GPR83: variants seen among roughly 807,000 people sequenced by gnomAD.
The protein encoded by GPR83 is G-protein coupled receptor 72.
GPR83 carries 23 observed loss-of-function variants against 28.0 expected under a neutral mutation model. The observed-to-expected ratio is 0.82, with a 90% confidence interval of 0.59 to 1.16. GPR83 has a LOEUF of 1.16. GPR83 is among the 50% of genes most tolerant of loss of function. The pLI, the probability that GPR83 is intolerant of heterozygous loss-of-function variation, is 0.00. For synonymous variants in GPR83, 234 were observed against 215.4 expected, an observed-to-expected ratio of 1.09 and a Z score of -0.76; for missense variants, 610 against 536.6, an observed-to-expected ratio of 1.14 and a Z score of -1.35.
chr11:94,380,195 C>A lies in GPR83; in HGVS notation c.1226G>T (p.Gly409Val), dbSNP rs768927714. 2 of 1,520,150 alleles carry A rather than the reference C, an allele frequency of 1.3e-6. No individual in the cohort carries two copies. Among genetic ancestry groups the A allele is most frequent in the Non-Finnish European group, 1.8e-6 (2 of 1,136,124 alleles). The allele number at this position is 1,520,150 out of a possible 1,614,324, so 94.2% of individuals were successfully genotyped here. A position where few individuals can be genotyped will look rare whatever the true frequency, so the allele number is the denominator to read the frequency against. The part of the protein sequence containing the change: ...NLLPTSQLQS[G>V]KTDLSSVEPI... Reference sequence around the variant, plus strand: ...TTCCACAGATGACAGGTCTGTCTTCCCAGACTGGAGTTGGGAGGTGGGCAG... The same window carrying A: ...TTCCACAGATGACAGGTCTGTCTTCACAGACTGGAGTTGGGAGGTGGGCAG... The change falls in exon 4 of 4, where the codon GGG (glycine) becomes GTG (valine). Residue 409 changes from glycine (G) to valine (V), a missense_variant. Physicochemically the swap from Gly to Val is moderately radical, Grantham distance 109 (BLOSUM62 -3). Transcript: ENST00000243673.
At chr11:94,381,308 C>G (rs1944684915) in intron 3 of GPR83, among the ~76,000 whole-genome samples, 1 of 152,012 alleles carries the variant, frequency 6.6e-6, no homozygotes, top group Non-Finnish European at 1.5e-5. Context: ...ATCCATGTGG[C>G]TTGGTGCTCT....
chr11:94,393,180 G>C (rs1944833980), intron 3 of GPR83, among the ~76,000 whole-genome samples: 1 of 152,186 alleles, frequency 6.6e-6, no homozygotes, highest in South Asian at 2.1e-4. Flanking sequence ...CTTGGTGACT[G>C]GGATCTCAGG....
chr11:94,385,874 G>A (rs1309945639), intron 3 of GPR83, among the ~76,000 whole-genome samples: 1 of 152,100 alleles, frequency 6.6e-6, no homozygotes, highest in African/African-American at 2.4e-5. Flanking sequence ...CTCAAGAAGA[G>A]CAACTCCAAG....
At chr11:94,380,863 C>G (rs1944680252) in intron 3 of GPR83, 90 bp from the exon 4 acceptor site, 2 of 1,133,428 alleles carry the variant, frequency 1.8e-6, no homozygotes, top group Non-Finnish European at 2.5e-6. Flanking sequence ...CTGGCCTCTC[C>G]TTCCACTGGG....
At chr11:94,386,200 A>G (rs573316760) in intron 3 of GPR83, among the ~76,000 whole-genome samples, 1 of 152,328 alleles carries the variant, frequency 6.6e-6, no homozygotes, top group African/African-American at 2.4e-5. Flanking sequence ...TGAAGGAAGC[A>G]CTAAACATGG....
chr11:94,384,891 A>T (rs1245418683), intron 3 of GPR83, among the ~76,000 whole-genome samples: 1 of 152,226 alleles, frequency 6.6e-6, no homozygotes, highest in East Asian at 1.9e-4. Flanking sequence ...GAGAACGGAT[A>T]GACTGTCCTC....
intron 3 of GPR83, among the ~76,000 whole-genome samples, chr11:94,387,115 T>A (rs1461747810): frequency 2.0e-5 from 3 of 152,196 alleles, no homozygotes; most frequent in Non-Finnish European, 4.4e-5. Context: ...AATAAAGATG[T>A]TCTCTGAAAC....
In GPR83 at chr11:94,401,035, T is replaced by C; in HGVS notation, c.213A>G (p.Lys71=). 6.2e-7 allele frequency: 1 copy of C among 1,614,140 alleles called. No homozygotes were observed. Residue 71 remains lysine, a synonymous_variant, in exon 1 of 4, where the codon AAA becomes AAG. Coordinates refer to ENST00000243673, the MANE Select transcript of GPR83 (RefSeq NM_016540.4). ...YGAESQNPTV[K]ALLIVAYSFI... ...AGGAGTAAGCCACAATGAGCAGGGC[T>C]TTCACCGTGGGGTTCTGGGACTCAG...
At position 94,393,370 on chromosome 11, in the gene GPR83, A is replaced by G. The variant is rs568222816; in HGVS notation, c.647+115T>C. On this transcript the variant is annotated intron_variant, in intron 3 of 3. Coordinates refer to ENST00000243673, the MANE Select transcript of GPR83 (RefSeq NM_016540.4). ...GAGCCAGAGAAAGACTCAGTAAGAC[A>G]GGTACTAGTTACTCAGACAGTTGTG... 172 of 862,952 alleles carry G rather than the reference A, an allele frequency of 2.0e-4. No individual in the cohort carries two copies. The East Asian group carries it at 3.4e-3, about 17-fold the overall frequency. The allele number at this position is 862,952 out of a possible 1,614,324, so 53.5% of individuals were successfully genotyped here. A position where few individuals can be genotyped will look rare whatever the true frequency, so the allele number is the denominator to read the frequency against.
chr11:94,394,587 G>A (rs1435770176), intron 2 of GPR83, among the ~76,000 whole-genome samples: 2 of 152,176 alleles, frequency 1.3e-5, no homozygotes, highest in Non-Finnish European at 2.9e-5. Flanking sequence ...ACCTCTAGAT[G>A]CCATCCCAGA....
intron 2 of GPR83, 21 bp from the exon 3 acceptor site, chr11:94,393,639 A>T: frequency 6.2e-7 from 1 of 1,613,000 alleles, no homozygotes. Flanking sequence ...AGCAAACCAC[A>T]TCACTAACTG....
At chr11:94,391,214 A>G (rs1226818533) in intron 3 of GPR83, among the ~76,000 whole-genome samples, 3 of 152,182 alleles carry the variant, frequency 2.0e-5, no homozygotes, top group Non-Finnish European at 2.9e-5. Context: ...ACACAAACAC[A>G]CAATGAGGGA....
At chr11:94,390,477 A>G (rs1463807955) in intron 3 of GPR83, among the ~76,000 whole-genome samples, 1 of 152,184 alleles carries the variant, frequency 6.6e-6, no homozygotes, top group East Asian at 1.9e-4. Context: ...GGCCAGGGCA[A>G]TCAGGCAGGA....
chr11:94,384,206 A>G (rs185760964), intron 3 of GPR83, among the ~76,000 whole-genome samples: 59 of 152,340 alleles, frequency 3.9e-4, no homozygotes, highest in Admixed American at 7.2e-4. Flanking sequence ...AATACAATGT[A>G]TCACACAAAC....
In GPR83 at chr11:94,380,660, A is replaced by G. The variant is rs1944677999; in HGVS notation, c.761T>C (p.Ile254Thr). ...CACACGAGCGTAGGCCACAGAGATG[A>G]TGAGGAGGGGCAGGATGTAGAGCAG... ...FILLYILPLLIISVAYARVAK... is the reference protein window; with the variant it reads ...FILLYILPLLTISVAYARVAK... Residue 254 changes from isoleucine (I) to threonine (T), a missense_variant, in exon 4 of 4, where the codon ATC (isoleucine) becomes ACC (threonine). Transcript: ENST00000243673. 1.2e-6 allele frequency: 2 copies of G among 1,613,968 alleles called. No individual in the cohort carries two copies. Among genetic ancestry groups the G allele is most frequent in the Non-Finnish European group, 1.7e-6 (2 of 1,179,998 alleles).
Position 94,380,248 on chromosome 11 carries a change from G to A in GPR83, c.1173C>T (p.Gly391=), listed in dbSNP as rs1447252848. The A allele has an allele frequency of 5.2e-6, 8 of 1,535,428 alleles. No individual in the cohort carries two copies. The highest frequency in any genetic ancestry group is 2.6e-5 in the South Asian group (2 of 77,212). The part of the protein sequence containing the change: ...FRVAWTEKND[G]QRAPLANNLL... ...GGTTATTGGCAAGGGGAGCCCTCTG[G>A]CCATCATTCTTCTCTGTCCAGGCCA... The change falls in exon 4 of 4, where the codon GGC becomes GGT. Residue 391 remains glycine, a synonymous_variant. Coordinates refer to ENST00000243673, the MANE Select transcript of GPR83 (RefSeq NM_016540.4).
chr11:94,392,436 T>C (rs1291969922), intron 3 of GPR83, among the ~76,000 whole-genome samples: 1 of 152,120 alleles, frequency 6.6e-6, no homozygotes, highest in African/African-American at 2.4e-5. Flanking sequence ...CTGCACATTG[T>C]GTACATGTAC....
intron 1 of GPR83, among the ~76,000 whole-genome samples, chr11:94,398,940 G>A (rs957502893): frequency 2.0e-5 from 3 of 152,184 alleles, no homozygotes; most frequent in Non-Finnish European, 4.4e-5. Context: ...AGGGGGTGCT[G>A]GGCTCTGAGG....
At chr11:94,384,379 T>C (rs997491103) in intron 3 of GPR83, among the ~76,000 whole-genome samples, 3 of 152,150 alleles carry the variant, frequency 2.0e-5, no homozygotes, top group Non-Finnish European at 2.9e-5. Flanking sequence ...GATGGCCGAA[T>C]AGGAACAGCT....
Sources: gnomAD v4.1 joint callset for allele counts (sites outside exome capture counted in the v4.1 genomes callset) on GRCh38, gnomAD v4.1.1 for gene constraint, MANE v1.5 for transcripts, NCBI Gene and HGNC (gene_info 2026-07-23, HGNC 2026-07-21) for gene names.